ZFP82: variants seen among roughly 807,000 people sequenced by gnomAD.
ZFP82 encodes ZFP82 zinc finger protein.
A neutral mutation model predicts 54.0 loss-of-function variants in ZFP82; 30 were observed. The observed-to-expected ratio is 0.56, with a 90% CI of 0.42 to 0.75. ZFP82 has a LOEUF of 0.75. Ranked by LOEUF, ZFP82 falls within the 30% of genes least tolerant of loss-of-function variation. The pLI is 0.00. For synonymous variants in ZFP82, 194 were observed against 209.5 expected, an observed-to-expected ratio of 0.93 and a Z score of 0.64; for missense variants, 500 against 636.8, an observed-to-expected ratio of 0.79 and a Z score of 2.31.
In ZFP82 at chr19:36,413,900, A is replaced by ATT. The variant is rs534093783; in HGVS notation, c.-78-4035_-78-4034dup. ...ACTATTTTAAAAATTATCTTCAATA[A>ATT]TTTTTTTTTTTTTTTTTTGAGATGC... On this transcript the variant is annotated intron_variant, in intron 1 of 4. Coordinates refer to ENST00000392161, the MANE Select transcript of ZFP82 (RefSeq NM_133466.4). 5.2e-4 allele frequency among the ~76,000 whole-genome samples: 72 copies of ATT among 138,218 alleles called. 2 individuals carry two copies. Among genetic ancestry groups the ATT allele is most frequent in the East Asian group, 2.1e-3 (10 of 4,742 alleles). The allele number at this position is 138,218 out of a possible 152,430, so 90.7% of individuals were successfully genotyped here.
rs2032163503 is a variant in ZFP82 at position 36,389,770 on chromosome 19, T to A, written c.*2971A>T. On this transcript the variant is annotated 3_prime_UTR_variant, in exon 5 of 5. Transcript: ENST00000392161. ...ATGCTCTGGCCACTTGGGGCCTTGA[T>A]CCTGGATAGGCTGCCCCTCCCAGGG... Among the ~76,000 whole-genome samples, 3 of 152,210 alleles carry A rather than the reference T, an allele frequency of 2.0e-5. No individual in the cohort carries two copies. The highest frequency in any genetic ancestry group is 7.2e-5 in the African/African-American group (3 of 41,450).
downstream of ZFP82, among the ~76,000 whole-genome samples, chr19:36,388,000 T>C (rs371020532): frequency 1.7e-4 from 26 of 152,250 alleles, no homozygotes; most frequent in East Asian, 9.6e-4. Context: ...GTATTGTTCA[T>C]TCCTTTTGTA....
At chr19:36,408,441 T>C (rs936417687) in intron 2 of ZFP82, among the ~76,000 whole-genome samples, 6 of 152,162 alleles carry the variant, frequency 3.9e-5, no homozygotes, top group Non-Finnish European at 7.3e-5. Flanking sequence ...TAGAAAAGGA[T>C]CTAAATGCAA....
chr19:36,397,973 T>C (rs535258366), intron 4 of ZFP82, among the ~76,000 whole-genome samples: 2 of 152,312 alleles, frequency 1.3e-5, no homozygotes, highest in South Asian at 4.1e-4. Flanking sequence ...TATAGATCAA[T>C]TCCCATAGAG....
At chr19:36,409,237 C>CCAA (rs1460018281) in intron 2 of ZFP82, among the ~76,000 whole-genome samples, 46 of 152,244 alleles carry the variant, frequency 3.0e-4, no homozygotes, top group African/African-American at 1.1e-3. Context: ...GAGGCTGAGG[C>CCAA]CAACTAACAG....
In ZFP82 at chr19:36,402,468, C is replaced by CAAAAAAAAAAAAAA. The variant is rs377338348; in HGVS notation, c.229+3098_229+3111dup. Among the ~76,000 whole-genome samples the CAAAAAAAAAAAAAA allele has an allele frequency of 3.1e-3, 179 of 57,404 alleles. 17 individuals carry two copies. Among genetic ancestry groups the CAAAAAAAAAAAAAA allele is most frequent in the Non-Finnish European group, 3.5e-3 (116 of 33,180 alleles). The allele number at this position is 57,404 out of a possible 152,430, so 37.7% of individuals were successfully genotyped here. ...TGGACAGAAGAGCGAGACTCCATCT[C>CAAAAAAAAAAAAAA]AAAAAAAAAAAAAAAAAAAGATTAG... On this transcript the variant is annotated intron_variant, in intron 4 of 4. Coordinates refer to ENST00000392161, the MANE Select transcript of ZFP82 (RefSeq NM_133466.4).
chr19:36,389,497 GT>G lies in ZFP82; in HGVS notation c.*3243del, dbSNP rs199771474. Among the ~76,000 whole-genome samples, 422 of 152,138 alleles carry G rather than the reference GT, an allele frequency of 2.8e-3. 9 individuals are homozygous for G. Among genetic ancestry groups the G allele is most frequent in the Admixed American group, 0.023 (354 of 15,268 alleles). ...GTTTCATCTATCCCTCCCACCTTTT[GT>G]TTTTAAGTATTTAAAAGTAAATCAC... On this transcript the variant is annotated 3_prime_UTR_variant, in exon 5 of 5. Coordinates refer to ENST00000392161, the MANE Select transcript of ZFP82 (RefSeq NM_133466.4).
intron 1 of ZFP82, among the ~76,000 whole-genome samples, chr19:36,415,430 C>T (rs1167670772): frequency 1.3e-5 from 2 of 152,060 alleles, no homozygotes; most frequent in Admixed American, 1.3e-4. Context: ...CTCTGTCACC[C>T]AGGCTGGAGT....
chr19:36,393,775 G>GA lies in ZFP82; in HGVS notation c.564dup (p.His189SerfsTer7). On this transcript the variant is annotated frameshift_variant, in exon 5 of 5. Coordinates refer to ENST00000392161, the MANE Select transcript of ZFP82 (RefSeq NM_133466.4). LOFTEE classifies it high-confidence loss of function. ...GGTTTTTCACCAGTATGAATTCTGT[G>GA]ATGAAAAGTAAGCTGTTGGCGCACT... 6.2e-7 allele frequency: 1 copy of GA among 1,613,974 alleles called. No individual in the cohort carries two copies. The highest frequency in any genetic ancestry group is 8.5e-7 in the Non-Finnish European group (1 of 1,180,010).
chr19:36,396,618 T>A (rs2032298986), intron 4 of ZFP82, among the ~76,000 whole-genome samples: 1 of 151,942 alleles, frequency 6.6e-6, no homozygotes, highest in Non-Finnish European at 1.5e-5. Flanking sequence ...ATCGCGCCAC[T>A]GCACTCCAGC....
chr19:36,415,203 AAC>A lies in ZFP82; in HGVS notation c.-79+3287_-79+3288del, dbSNP rs541758496. Among the ~76,000 whole-genome samples, 513 of 152,354 alleles carry A rather than the reference AAC, an allele frequency of 3.4e-3. 3 individuals carry two copies. Among genetic ancestry groups the A allele is most frequent in the African/African-American group, 0.011 (476 of 41,576 alleles). ...TGTTGTGATTCTATTTTGGAAAACA[AAC>A]ACATGTGCACAAGTGCACAGAAAAA... On this transcript the variant is annotated intron_variant, in intron 1 of 4. Coordinates refer to ENST00000392161, the MANE Select transcript of ZFP82 (RefSeq NM_133466.4).
intron 2 of ZFP82, among the ~76,000 whole-genome samples, chr19:36,408,434 A>C (rs931794123): frequency 6.6e-6 from 1 of 152,168 alleles, no homozygotes; most frequent in Admixed American, 6.5e-5. Flanking sequence ...TTTATCTTAG[A>C]AAAGGATCTA....
chr19:36,412,431 T>C (rs1156613902), intron 1 of ZFP82, among the ~76,000 whole-genome samples: 1 of 152,236 alleles, frequency 6.6e-6, no homozygotes, highest in Non-Finnish European at 1.5e-5. Flanking sequence ...AAACTCAATA[T>C]CCTACAAGCA....
chr19:36,394,287 T>C (rs950351805), intron 4 of ZFP82, 177 bp from the exon 5 acceptor site: 6 of 602,432 alleles, frequency 1.0e-5, no homozygotes, highest in South Asian at 8.6e-5. Context: ...TGAGAGTTCA[T>C]ACAAAATAGC....
At position 36,406,738 on chromosome 19, in the gene ZFP82, G is replaced by A. The variant is rs79498958; in HGVS notation, c.137-1066C>T. On this transcript the variant is annotated intron_variant, in intron 3 of 4. Transcript: ENST00000392161. ...CATTTAGGAGAAGAATTACAGGGTC[G>A]TATCTATAGTATCGTACATTCCCAC... Among the ~76,000 whole-genome samples, 329 of 152,256 alleles carry A rather than the reference G, an allele frequency of 2.2e-3. 2 individuals carry two copies. The highest frequency in any genetic ancestry group is 7.4e-3 in the African/African-American group (308 of 41,548).
downstream of ZFP82, among the ~76,000 whole-genome samples, chr19:36,386,554 T>C (rs1019015270): frequency 6.6e-6 from 1 of 152,206 alleles, no homozygotes; most frequent in Non-Finnish European, 1.5e-5. Flanking sequence ...AGCAAAGCCA[T>C]GGGGGCAAGG....
chr19:36,406,752 G>A (rs911501772), intron 3 of ZFP82, among the ~76,000 whole-genome samples: 7 of 152,160 alleles, frequency 4.6e-5, no homozygotes, highest in South Asian at 2.1e-4. Flanking sequence ...CTATAGTATC[G>A]TACATTCCCA....
At chr19:36,387,354 A>C (rs2032127237), downstream of ZFP82, among the ~76,000 whole-genome samples, 1 of 152,206 alleles carries the variant, frequency 6.6e-6, no homozygotes, top group South Asian at 2.1e-4. Flanking sequence ...TAGTATTAAG[A>C]GGTGGGACCT....
downstream of ZFP82, among the ~76,000 whole-genome samples, chr19:36,386,256 T>A (rs2967512): frequency 6.6e-6 from 1 of 152,126 alleles, no homozygotes; most frequent in Non-Finnish European, 1.5e-5. Flanking sequence ...TGGCTCAGCC[T>A]GCCACTGGGC....
Sources: allele counts gnomAD v4.1 joint callset (sites outside exome capture counted in the v4.1 genomes callset), GRCh38; gene constraint gnomAD v4.1.1; transcripts MANE v1.5; gene names NCBI Gene and HGNC (gene_info 2026-07-23, HGNC 2026-07-21).